Variants in MCRS1 observed in about 807,000 individuals in gnomAD.
MCRS1 encodes the protein 58 kDa microspherule protein.
In MCRS1, 22 loss-of-function variants were observed where a neutral mutation model predicts 62.9. The ratio of observed to expected loss-of-function variants is 0.35; its 90% confidence interval spans 0.25 to 0.50. The LOEUF (loss-of-function observed/expected upper bound fraction) is 0.50, where lower values mean the gene tolerates loss of function less well. Ranked by LOEUF, MCRS1 falls within the 20% of genes least tolerant of loss-of-function variation. The probability of loss-of-function intolerance (pLI) is 0.98; values close to 1 mark genes in which losing one functional copy is unlikely to be tolerated. For synonymous variants in MCRS1, 244 were observed against 233.5 expected (o/e 1.04, Z -0.41); for missense variants, 456 against 601.1 (o/e 0.76, Z 2.52).
intron 8 of MCRS1, among the ~76,000 whole-genome samples, chr12:49,561,524 G>T (rs1052735128): frequency 1.3e-5 from 2 of 152,236 alleles, no homozygotes; most frequent in Admixed American, 6.5e-5. Context: ...CGGCAAAGGA[G>T]AAATCAAATC....
chr12:49,563,379 C>G, intron 7 of MCRS1, 59 bp downstream of exon 7: 2 of 1,518,806 alleles, frequency 1.3e-6, no homozygotes. Flanking sequence ...CAGTGGTTTT[C>G]TAGGTGGTCC....
Position 49,566,793 on chromosome 12 carries a change from G to C in MCRS1, c.-62C>G. On this transcript the variant is annotated 5_prime_UTR_variant, in exon 2 of 15. Coordinates refer to ENST00000343810, the MANE Select transcript of MCRS1 (RefSeq NM_006337.5). ...CGGGCTAGGAGGAACGGTCCCACAG[G>C]CTCATCCAAGGATTCTGACCAGGTG... 6.3e-7 allele frequency: 1 copy of C among 1,596,984 alleles called. No individual in the cohort carries two copies. The highest frequency in any genetic ancestry group is 8.6e-7 in the Non-Finnish European group (1 of 1,168,880).
Position 49,558,906 on chromosome 12 carries a change from G to A in MCRS1, c.1239C>T (p.Tyr413=), listed in dbSNP as rs1325352900. The A allele has an allele frequency of 8.7e-6, 14 of 1,612,970 alleles. No homozygotes were observed. The Admixed American group carries it at 2.2e-4, about 25-fold the overall frequency. Residue 413 remains tyrosine, a synonymous_variant, in exon 14 of 15, where the codon TAC becomes TAT. Transcript: ENST00000343810. ...CACAGAGCACCGGCCGTCCATCGATGTAGATGGGCCGTCGACCCTCATTGG... is the reference window on the plus strand; with the variant it reads ...CACAGAGCACCGGCCGTCCATCGATATAGATGGGCCGTCGACCCTCATTGG... ...FIANEGRRPI[Y]IDGRPVLCGS...
chr12:49,560,165 G>A (rs959997215), intron 9 of MCRS1, 130 bp downstream of exon 9: 13 of 1,209,152 alleles, frequency 1.1e-5, no homozygotes, highest in Non-Finnish European at 1.6e-5. Context: ...AGTGGGAGGG[G>A]AGGGGGCTCA....
In MCRS1 at chr12:49,566,319, C is replaced by T. The variant is rs1372834119; in HGVS notation, c.11-104G>A. ...TCCCCTGCCAGCCCTCTTGGCCCCT[C>T]CCCTGCCTCCTTGACACTTGAGGTT... is the stretch of plus-strand genomic sequence containing the variant. On this transcript the variant is annotated intron_variant, in intron 2 of 14. Coordinates refer to ENST00000343810, the MANE Select transcript of MCRS1 (RefSeq NM_006337.5). 13 of 1,559,582 alleles carry T rather than the reference C, an allele frequency of 8.3e-6. No individual in the cohort carries two copies. The African/African-American group carries it at 1.5e-4, about 18-fold the overall frequency.
Position 49,559,021 on chromosome 12 carries a change from G to C in MCRS1, c.1175-51C>G. The stretch of plus-strand genomic sequence containing the variant: ...ATGATGGGATGGGGAGGGATTGATG[G>C]GATGGGGAAAGGCCAGAGAGAGCCA... On this transcript the variant is annotated intron_variant, in intron 13 of 14. Transcript: ENST00000343810. This position sits in a 1 kb window ranked among gnomAD's most constrained non-coding sequence, Gnocchi z 5.2. The C allele has an allele frequency of 6.2e-7, 1 of 1,606,720 alleles. No homozygotes were observed. Among genetic ancestry groups the C allele is most frequent in the Non-Finnish European group, 8.5e-7 (1 of 1,178,290 alleles).
At chr12:49,565,064 C>G in intron 4 of MCRS1, 169 bp from the exon 5 acceptor site, 4 of 985,312 alleles carry the variant, frequency 4.1e-6, no homozygotes, top group Non-Finnish European at 4.8e-6. Flanking sequence ...TTTCTAATAC[C>G]CACCCCCATC....
In MCRS1 at chr12:49,559,812, A is replaced by G. The variant is rs747897753; in HGVS notation, c.920T>C (p.Val307Ala). 6.2e-7 allele frequency: 1 copy of G among 1,614,174 alleles called. No individual in the cohort carries two copies. Among genetic ancestry groups the G allele is most frequent in the East Asian group, 2.2e-5 (1 of 44,882 alleles). Reference protein sequence around the residue: ...RDEVLEHELMVADRRQKREIR... With the variant: ...RDEVLEHELMAADRRQKREIR... ...CTCTCGCTTCTGGCGCCGGTCAGCC[A>G]CCATCAGCTCTGGGGTGAGGTGGGG... is the stretch of plus-strand genomic sequence containing the variant. Residue 307 changes from valine (V) to alanine (A), a missense_variant, in exon 11 of 15, where the codon GTG becomes GCG. Physicochemically the swap from Val to Ala is moderately conservative, Grantham distance 64. Transcript: ENST00000343810. This position sits in a 1 kb window ranked among gnomAD's most constrained non-coding sequence, Gnocchi z 5.2.
At position 49,558,581 on chromosome 12, in the gene MCRS1, A is replaced by G. The variant is rs971429055; in HGVS notation, c.*62T>C. 13 of 1,542,688 alleles carry G rather than the reference A, an allele frequency of 8.4e-6. No homozygotes were observed. The highest frequency in any genetic ancestry group is 9.8e-6 in the Non-Finnish European group (11 of 1,122,478). On this transcript the variant is annotated 3_prime_UTR_variant, in exon 15 of 15. Coordinates refer to ENST00000343810, the MANE Select transcript of MCRS1 (RefSeq NM_006337.5). ...TTCCAGGAGCCTGAGTTCCCAGCTCAAGGGGGCTGGAGTGGCAGGGGAAAC... is the reference window on the plus strand; with the variant it reads ...TTCCAGGAGCCTGAGTTCCCAGCTCGAGGGGGCTGGAGTGGCAGGGGAAAC...
chr12:49,560,046 C>A, intron 9 of MCRS1, 79 bp from the exon 10 acceptor site: 2 of 1,581,806 alleles, frequency 1.3e-6, no homozygotes, highest in South Asian at 1.1e-5. Context: ...CATCCCTGAG[C>A]CCCTTTAGCC....
intron 8 of MCRS1, among the ~76,000 whole-genome samples, chr12:49,561,302 A>T (rs897541534): frequency 6.6e-6 from 1 of 152,162 alleles, no homozygotes; most frequent in Admixed American, 6.5e-5. Context: ...TGGCCATGCA[A>T]TTGTCAACTG....
rs528030191 is a variant in MCRS1 at position 49,559,111 on chromosome 12, C to T, written c.1174+103G>A. The stretch of plus-strand genomic sequence containing the variant: ...AGGAATCCCTGCCTCAGGTGGTCCA[C>T]GAGGGTCCCCATGGACACCAAGCCC... On this transcript the variant is annotated intron_variant, in intron 13 of 14. Coordinates refer to ENST00000343810, the MANE Select transcript of MCRS1 (RefSeq NM_006337.5). The surrounding 1 kb of genome is among the most constrained non-coding windows in gnomAD (Gnocchi z 5.2). The T allele has an allele frequency of 3.9e-5, 59 of 1,520,118 alleles. No homozygotes were observed. The African/African-American group carries it at 6.7e-4, about 17-fold the overall frequency. 94.2% of individuals were successfully genotyped at this position (1,520,118 alleles called of 1,614,324 possible).
At chr12:49,560,420 G>C (rs771067326) in intron 8 of MCRS1, 50 bp from the exon 9 acceptor site, 2 of 1,564,786 alleles carry the variant, frequency 1.3e-6, no homozygotes, top group Non-Finnish European at 8.8e-7. Context: ...TGCTGAACCC[G>C]ATGCTGAGCG....
rs2138201261 is a variant in MCRS1 at position 49,565,528 on chromosome 12, CCTT to C, written c.286_288del (p.Lys96del). 1.1e-5 allele frequency: 17 copies of C among 1,582,064 alleles called. No homozygotes were observed. The highest frequency in any genetic ancestry group is 2.2e-5 in the East Asian group (1 of 44,656). On this transcript the variant is annotated inframe_deletion and splice_region_variant, in exon 4 of 15. Coordinates refer to ENST00000343810, the MANE Select transcript of MCRS1 (RefSeq NM_006337.5). The stretch of plus-strand genomic sequence containing the variant: ...ATCCCCTAAGTCTCCCAATTCCTCA[CCTT>C]CTTCTTCTCACTGGAGGAGGGTTCA...
intron 6 of MCRS1, among the ~76,000 whole-genome samples, chr12:49,564,256 T>C (rs745408039): frequency 6.6e-6 from 1 of 152,164 alleles, no homozygotes; most frequent in Non-Finnish European, 1.5e-5. Context: ...GCACTCATTT[T>C]AGTTTTCTCT....
chr12:49,558,525 C>T lies in MCRS1; in HGVS notation c.*118G>A. The T allele has an allele frequency of 3.9e-6, 4 of 1,015,360 alleles. No individual in the cohort carries two copies. The highest frequency in any genetic ancestry group is 5.8e-6 in the Non-Finnish European group (4 of 690,858). The allele number at this position is 1,015,360 out of a possible 1,614,324, so 62.9% of individuals were successfully genotyped here. A position where few individuals can be genotyped will look rare whatever the true frequency, so the allele number is the denominator to read the frequency against. On this transcript the variant is annotated 3_prime_UTR_variant, in exon 15 of 15. Coordinates refer to ENST00000343810, the MANE Select transcript of MCRS1 (RefSeq NM_006337.5). ...CTCCCTCAAAGGCTCAAATCAATGG[C>T]CCGCAGCTGAGCCTCCCACTGCCCA...
Position 49,559,162 on chromosome 12 carries a change from TGGGA to T in MCRS1, c.1174+48_1174+51del, listed in dbSNP as rs906929038. ...AGGGCTAGAAAGGACAGCGAGAGGCTGGGAGGGACGACCTCACACTGCTTCCTGC... is the reference window on the plus strand; with the variant it reads ...AGGGCTAGAAAGGACAGCGAGAGGCTGGGACGACCTCACACTGCTTCCTGC... On this transcript the variant is annotated intron_variant, in intron 13 of 14. Coordinates refer to ENST00000343810, the MANE Select transcript of MCRS1 (RefSeq NM_006337.5). The surrounding 1 kb of genome is among the most constrained non-coding windows in gnomAD (Gnocchi z 5.2). 5.7e-6 allele frequency: 9 copies of T among 1,587,108 alleles called. No homozygotes were observed. The African/African-American group carries it at 6.7e-5, about 12-fold the overall frequency.
At chr12:49,564,351 AC>A (rs1938935050) in intron 6 of MCRS1, 129 bp downstream of exon 6, 1 of 691,838 alleles carries the variant, frequency 1.4e-6, no homozygotes, top group Middle Eastern at 2.9e-4. Context: ...CCTCAGTATC[AC>A]CCCCAAGGAG....
rs1050768548 is a variant in MCRS1 at position 49,564,360 on chromosome 12, G to A, written c.557+121C>T. 8.1e-6 allele frequency: 6 copies of A among 742,840 alleles called. No individual in the cohort carries two copies. In the African/African-American group the frequency reaches 8.9e-5, roughly 11 times the overall value. 46.0% of individuals were successfully genotyped at this position (742,840 alleles called of 1,614,324 possible). On this transcript the variant is annotated intron_variant, in intron 6 of 14. Transcript: ENST00000343810. The stretch of plus-strand genomic sequence containing the variant: ...CTCAGGCCTCAGTATCACCCCCAAG[G>A]AGCCTCCAGGAGTCCTGCCTCCCAG...
Sources: gnomAD v4.1 joint callset for allele counts (sites outside exome capture counted in the v4.1 genomes callset) on GRCh38, gnomAD v4.1.1 for gene constraint, Gnocchi (gnomAD v3.1) non-coding constraint, MANE v1.5 for transcripts, NCBI Gene and HGNC (gene_info 2026-07-23, HGNC 2026-07-21) for gene names.